UBE2E2: variants seen among roughly 807,000 people sequenced by gnomAD.
UBE2E2 encodes ubiquitin conjugating enzyme E2 E2.
Under a neutral mutation model 24.7 loss-of-function variants are expected in UBE2E2, and 6 were observed. The ratio of observed to expected loss-of-function variants is 0.24; its 90% CI spans 0.13 to 0.48. The LOEUF (loss-of-function observed/expected upper bound fraction) is 0.48, where lower values mean the gene tolerates loss of function less well. UBE2E2 is among the 20% of genes least tolerant of loss of function. The pLI, the probability that UBE2E2 is intolerant of heterozygous loss-of-function variation, is 0.99. For synonymous variants in UBE2E2, 104 were observed against 83.6 expected, an observed-to-expected ratio of 1.24 and a Z score of -1.33; for missense variants, 169 against 245.0, an observed-to-expected ratio of 0.69 and a Z score of 2.07.
chr3:23,518,482 G>A (rs557528930), intron 4 of UBE2E2, among the ~76,000 whole-genome samples: 7 of 152,334 alleles, frequency 4.6e-5, no homozygotes, highest in African/African-American at 1.7e-4. Flanking sequence ...GTTTGTGATA[G>A]TCCTGGAGTT....
At chr3:23,481,677 A>G in intron 3 of UBE2E2, among the ~76,000 whole-genome samples, 1 of 152,242 alleles carries the variant, frequency 6.6e-6, no homozygotes, top group East Asian at 1.9e-4. Context: ...AGAAGTGGAT[A>G]AATTAAATCT....
chr3:23,572,279 A>G (rs1696247190), intron 5 of UBE2E2, among the ~76,000 whole-genome samples: 3 of 152,102 alleles, frequency 2.0e-5, no homozygotes, highest in Admixed American at 6.6e-5. Context: ...AGGTTTTTCT[A>G]CCTTCCAAAC....
rs140424882 is a variant in UBE2E2 at position 23,507,573 on chromosome 3, T to C, written c.360+7833T>C. On this transcript the variant is annotated intron_variant, in intron 4 of 5. Transcript: ENST00000396703. ...TCATGGATCAGAAAACTGAGCTCCA[T>C]GGAGGTTAAGCTGCGCACAGGCCAC... Among the ~76,000 whole-genome samples, 85 of 152,326 alleles carry C rather than the reference T, an allele frequency of 5.6e-4. 3 individuals carry two copies. In the East Asian group the frequency reaches 0.015, roughly 27 times the overall value.
intron 3 of UBE2E2, among the ~76,000 whole-genome samples, chr3:23,290,181 A>G (rs1174978594): frequency 3.7e-4 from 57 of 152,244 alleles, no homozygotes; most frequent in Admixed American, 3.7e-3. Context: ...CCTGCTAAGC[A>G]GTTAGATTGG....
intron 3 of UBE2E2, among the ~76,000 whole-genome samples, chr3:23,344,724 A>C (rs1198800641): frequency 6.6e-6 from 1 of 151,808 alleles, no homozygotes; most frequent in Non-Finnish European, 1.5e-5. Flanking sequence ...ACACATACAC[A>C]CACTAAGTGA....
At chr3:23,404,577 A>G (rs1053696805) in intron 3 of UBE2E2, among the ~76,000 whole-genome samples, 8 of 152,204 alleles carry the variant, frequency 5.3e-5, no homozygotes, top group African/African-American at 1.9e-4. Context: ...GGAATTGTAT[A>G]AGTAACAGGT....
chr3:23,413,059 G>T (rs1845901), intron 3 of UBE2E2, among the ~76,000 whole-genome samples: 23,105 of 143,548 alleles, frequency 0.16, 1,828 homozygotes, highest in African/African-American at 0.25. Context: ...GGTGGGGGGA[G>T]GGGGGAGGAA....
intron 3 of UBE2E2, among the ~76,000 whole-genome samples, chr3:23,425,161 CT>C (rs1413187385): frequency 6.6e-6 from 1 of 152,098 alleles, no homozygotes; most frequent in African/African-American, 2.4e-5. Flanking sequence ...AGTATGTATC[CT>C]TGAGTAAGTC....
intron 5 of UBE2E2, among the ~76,000 whole-genome samples, chr3:23,554,953 G>A (rs188790530): frequency 1.2e-3 from 175 of 150,276 alleles, no homozygotes; most frequent in African/African-American, 4.1e-3. Context: ...GTATGGCTCT[G>A]TTGCCCAGGC....
chr3:23,317,361 A>C (rs920530420), intron 3 of UBE2E2, among the ~76,000 whole-genome samples: 1 of 152,168 alleles, frequency 6.6e-6, no homozygotes, highest in African/African-American at 2.4e-5. Flanking sequence ...CTGCTGTGAC[A>C]GGGCATCAGT....
At position 23,267,128 on chromosome 3, in the gene UBE2E2, C is replaced by T. The variant is rs542436591; in HGVS notation, c.227+49816C>T. 5.1e-3 allele frequency among the ~76,000 whole-genome samples: 773 copies of T among 151,814 alleles called. 7 individuals carry two copies. The highest frequency in any genetic ancestry group is 0.018 in the African/African-American group (728 of 41,330). ...GAAAGATCCAAAATTGACACCCTAA[C>T]GTCACAATTAAAAGAACTAGAAAAG... On this transcript the variant is annotated intron_variant, in intron 3 of 5. Coordinates refer to ENST00000396703, the MANE Select transcript of UBE2E2 (RefSeq NM_152653.4).
At chr3:23,462,324 T>C (rs1188006500) in intron 3 of UBE2E2, among the ~76,000 whole-genome samples, 1 of 152,160 alleles carries the variant, frequency 6.6e-6, no homozygotes, top group African/African-American at 2.4e-5. Flanking sequence ...CCAAGACAAT[T>C]GAGGAGTTTT....
intron 4 of UBE2E2, among the ~76,000 whole-genome samples, chr3:23,504,908 C>CTTTTTTTTTTTTTTT (rs1694400616): frequency 4.5e-5 from 3 of 67,210 alleles, no homozygotes; most frequent in East Asian, 5.5e-4. Context: ...TTCAGACATT[C>CTTTTTTTTTTTTTTT]TTTCTTTTTT....
At chr3:23,271,747 C>T (rs887112326) in intron 3 of UBE2E2, among the ~76,000 whole-genome samples, 1 of 152,092 alleles carries the variant, frequency 6.6e-6, no homozygotes, top group Non-Finnish European at 1.5e-5. Flanking sequence ...GTTTACAAAC[C>T]TTGAGATAGA....
chr3:23,548,358 T>G (rs755949152), intron 5 of UBE2E2, among the ~76,000 whole-genome samples: 1 of 152,238 alleles, frequency 6.6e-6, no homozygotes, highest in African/African-American at 2.4e-5. Flanking sequence ...TTTCTGGTGT[T>G]TGTAATATAA....
intron 3 of UBE2E2, among the ~76,000 whole-genome samples, chr3:23,341,111 G>C (rs575095931): frequency 7.5e-4 from 114 of 152,290 alleles, no homozygotes; most frequent in Non-Finnish European, 8.1e-4. Flanking sequence ...TTGAAAAGGT[G>C]TAAGTCTTGC....
chr3:23,531,451 A>C (rs1410741540), intron 4 of UBE2E2, among the ~76,000 whole-genome samples: 1 of 152,154 alleles, frequency 6.6e-6, no homozygotes, highest in Admixed American at 6.6e-5. Flanking sequence ...ACTGATTTGC[A>C]CTTAATTATT....
At chr3:23,427,254 T>C (rs1697947615) in intron 3 of UBE2E2, among the ~76,000 whole-genome samples, 1 of 139,568 alleles carries the variant, frequency 7.2e-6, no homozygotes, top group African/African-American at 2.7e-5. Flanking sequence ...AAACCCCATC[T>C]CTACCAAAAA....
At chr3:23,556,006 G>C (rs531132891) in intron 5 of UBE2E2, among the ~76,000 whole-genome samples, 3 of 152,010 alleles carry the variant, frequency 2.0e-5, no homozygotes, top group Non-Finnish European at 4.4e-5. Flanking sequence ...GATTATAGCT[G>C]TCTTGCCATG....
Sources: allele counts gnomAD v4.1 joint callset (sites outside exome capture counted in the v4.1 genomes callset), GRCh38; gene constraint gnomAD v4.1.1; transcripts MANE v1.5; gene names NCBI Gene and HGNC (gene_info 2026-07-23, HGNC 2026-07-21).